The following ACOT7 variants were observed in gnomAD, a reference collection of about 807,000 sequenced individuals.
The protein encoded by ACOT7 is cytosolic acyl coenzyme A thioester hydrolase.
In ACOT7, 12 loss-of-function variants were observed where a neutral mutation model predicts 40.2. The observed-to-expected ratio is 0.30, with a 90% CI of 0.19 to 0.48. The LOEUF (loss-of-function observed/expected upper bound fraction) is 0.48, where lower values mean the gene tolerates loss of function less well. ACOT7 is among the 20% of genes least tolerant of loss of function. The pLI is 0.99. For missense variants in ACOT7, 395 were observed against 530.8 expected (o/e 0.74, Z 2.51); for synonymous variants, 228 against 219.5 (o/e 1.04, Z -0.34).
At chr1:6,388,737 TAAA>T (rs34026058) in intron 1 of ACOT7, among the ~76,000 whole-genome samples, 8 of 84,618 alleles carry the variant, frequency 9.5e-5, no homozygotes, top group Non-Finnish European at 1.2e-4. Flanking sequence ...GAGACTCTCT[TAAA>T]AAAAAAAAAA....
chr1:6,269,943 G>A (rs79100377), intron 8 of ACOT7, among the ~76,000 whole-genome samples: 4,381 of 152,320 alleles, frequency 0.029, 229 homozygotes, highest in African/African-American at 0.1. Flanking sequence ...CCAGGGTGAA[G>A]GTTTATGAAG....
chr1:6,312,230 A>G (rs1409114613), intron 6 of ACOT7, among the ~76,000 whole-genome samples: 1 of 152,186 alleles, frequency 6.6e-6, no homozygotes, highest in Non-Finnish European at 1.5e-5. Flanking sequence ...GAGATGGTTA[A>G]GGGGTATTAC....
chr1:6,380,441 A>C (rs1642313234), intron 1 of ACOT7, among the ~76,000 whole-genome samples: 1 of 151,326 alleles, frequency 6.6e-6, no homozygotes. Context: ...CTCTACTAAA[A>C]ATACAAAAAT....
intron 3 of ACOT7, 138 bp from the exon 4 acceptor site, chr1:6,333,706 C>T: frequency 1.2e-6 from 1 of 805,322 alleles, no homozygotes; most frequent in Non-Finnish European, 2.0e-6. Context: ...CCTCTCTGGC[C>T]CCCAACCCCC....
Position 6,278,809 on chromosome 1 carries a change from A to G in ACOT7, c.1014+2293T>C, listed in dbSNP as rs1346707210. 6.6e-6 allele frequency among the ~76,000 whole-genome samples: 1 copy of G among 152,214 alleles called. No homozygotes were observed. Among genetic ancestry groups the G allele is most frequent in the Non-Finnish European group, 1.5e-5 (1 of 68,034 alleles). On this transcript the variant is annotated intron_variant, in intron 8 of 8. Transcript: ENST00000361521. This position sits in a 1 kb window ranked among gnomAD's most constrained non-coding sequence, Gnocchi z 4.1. ...ACAGACACTACAGGGTCCCCCATCC[A>G]GGGAGCGCAGGCTTCACTGAGGGCC...
intron 7 of ACOT7, among the ~76,000 whole-genome samples, chr1:6,287,536 C>T (rs112181054): frequency 1.3e-5 from 2 of 152,334 alleles, no homozygotes; most frequent in Admixed American, 6.5e-5. Flanking sequence ...TACAGTTAAA[C>T]GTATCGGTGC....
At chr1:6,285,134 T>A (rs371203325) in intron 7 of ACOT7, among the ~76,000 whole-genome samples, 2 of 152,156 alleles carry the variant, frequency 1.3e-5, no homozygotes, top group South Asian at 4.1e-4. Context: ...AAAGCAGGTA[T>A]CCAGTTGACA....
intron 6 of ACOT7, among the ~76,000 whole-genome samples, chr1:6,300,638 CT>C (rs771705469): frequency 6.8e-6 from 1 of 146,460 alleles, no homozygotes; most frequent in African/African-American, 2.5e-5. Context: ...CGTGGCCGGC[CT>C]CTCTCCACAA....
At chr1:6,270,074 T>C (rs1375583657) in intron 8 of ACOT7, among the ~76,000 whole-genome samples, 3 of 152,240 alleles carry the variant, frequency 2.0e-5, no homozygotes, top group African/African-American at 7.2e-5. Context: ...GGCTCACTGC[T>C]GGTGGGCAGC....
intron 8 of ACOT7, among the ~76,000 whole-genome samples, chr1:6,268,192 G>C (rs937191839): frequency 1.3e-5 from 2 of 152,128 alleles, no homozygotes; most frequent in Non-Finnish European, 1.5e-5. Context: ...AAGAAAACCT[G>C]CTGAATCGTA....
chr1:6,277,834 C>T (rs1179741306), intron 8 of ACOT7, among the ~76,000 whole-genome samples: 4 of 152,252 alleles, frequency 2.6e-5, no homozygotes, highest in Non-Finnish European at 5.9e-5. Context: ...ACTCCTCCCT[C>T]TGAGAGGGTG....
intron 1 of ACOT7, among the ~76,000 whole-genome samples, chr1:6,351,291 A>G (rs985294646): frequency 1.3e-5 from 2 of 152,228 alleles, no homozygotes; most frequent in African/African-American, 4.8e-5. Context: ...AGGCTCAGGG[A>G]CAGTTGCCTG....
At chr1:6,304,263 A>T (rs1184647212) in intron 6 of ACOT7, among the ~76,000 whole-genome samples, 1 of 150,514 alleles carries the variant, frequency 6.6e-6, no homozygotes, top group Non-Finnish European at 1.5e-5. Context: ...TCTGCCACGC[A>T]TGCCCCTGGC....
At chr1:6,291,970 T>C (rs1238731386) in intron 7 of ACOT7, among the ~76,000 whole-genome samples, 1 of 152,190 alleles carries the variant, frequency 6.6e-6, no homozygotes, top group Non-Finnish European at 1.5e-5. Context: ...ATGATGACCC[T>C]GCTCTGACAA....
chr1:6,386,948 C>T (rs1336464261), intron 1 of ACOT7, among the ~76,000 whole-genome samples: 2 of 152,184 alleles, frequency 1.3e-5, no homozygotes, highest in Non-Finnish European at 2.9e-5. Context: ...AGTGACTTCA[C>T]GTTTCTGTCC....
At chr1:6,382,142 G>A (rs978223302) in intron 1 of ACOT7, among the ~76,000 whole-genome samples, 4 of 148,036 alleles carry the variant, frequency 2.7e-5, no homozygotes, top group African/African-American at 5.0e-5. Context: ...GGCCGGGCGC[G>A]GTGGCTCACG....
chr1:6,303,743 C>G (rs774056455), intron 6 of ACOT7, among the ~76,000 whole-genome samples: 8 of 152,194 alleles, frequency 5.3e-5, no homozygotes, highest in Non-Finnish European at 7.3e-5. Context: ...GAGTGAGAAC[C>G]TGCGAGACAG....
Position 6,294,435 on chromosome 1 carries a change from G to A in ACOT7, c.829+429C>T, listed in dbSNP as rs956690790. ...GTGCTGCCCTGGGTGGCGTGGGCAGGGCTGGCCGAGGAGGGGCTCCTGCGG... is the reference window on the plus strand; with the variant it reads ...GTGCTGCCCTGGGTGGCGTGGGCAGAGCTGGCCGAGGAGGGGCTCCTGCGG... On this transcript the variant is annotated intron_variant, in intron 7 of 8. Transcript: ENST00000361521. The surrounding 1 kb of genome is among the most constrained non-coding windows in gnomAD (Gnocchi z 4.6). Among the ~76,000 whole-genome samples, 1 of 152,208 alleles carries A rather than the reference G, an allele frequency of 6.6e-6. No homozygotes were observed. Among genetic ancestry groups the A allele is most frequent in the Non-Finnish European group, 1.5e-5 (1 of 68,038 alleles).
In ACOT7 at chr1:6,352,458, C is replaced by A. The variant is rs949108522; in HGVS notation, c.144-2592G>T. Among the ~76,000 whole-genome samples, 4 of 152,386 alleles carry A rather than the reference C, an allele frequency of 2.6e-5. No individual in the cohort carries two copies. The highest frequency in any genetic ancestry group is 2.6e-4 in the Admixed American group (4 of 15,312). ...GCTCTGTCACTCTCTCAGGCCCCGC[C>A]CCATGGCCTGGCCAAGGCCAACCGT... On this transcript the variant is annotated intron_variant, in intron 1 of 8. Transcript: ENST00000361521. The surrounding 1 kb of genome is among the most constrained non-coding windows in gnomAD (Gnocchi z 4.5).
Sources: gnomAD v4.1 joint callset for allele counts (sites outside exome capture counted in the v4.1 genomes callset) on GRCh38, gnomAD v4.1.1 for gene constraint, Gnocchi (gnomAD v3.1) non-coding constraint, MANE v1.5 for transcripts, NCBI Gene and HGNC (gene_info 2026-07-23, HGNC 2026-07-21) for gene names.